NFKBIZ: variants seen among roughly 807,000 people sequenced by gnomAD.
NFKBIZ encodes the protein NFKB inhibitor zeta, also known as NF-kappa-B inhibitor zeta.
NFKBIZ carries 19 observed loss-of-function variants against 76.8 expected under a neutral mutation model. The observed-to-expected ratio is 0.25, with a 90% confidence interval of 0.17 to 0.36. The LOEUF (loss-of-function observed/expected upper bound fraction) is 0.36, where lower values mean the gene tolerates loss of function less well. NFKBIZ is among the 10% of genes least tolerant of loss of function. NFKBIZ has a pLI of 1.00. For missense variants in NFKBIZ, 829 were observed against 910.9 expected (o/e 0.91, Z 1.16); for synonymous variants, 368 against 354.8 (o/e 1.04, Z -0.42).
At chr3:101,835,612 A>G (rs1484109456) in intron 2 of NFKBIZ, among the ~76,000 whole-genome samples, 1 of 152,184 alleles carries the variant, frequency 6.6e-6, no homozygotes, top group Non-Finnish European at 1.5e-5. Flanking sequence ...GTGCATGGGC[A>G]TCCCTGGTGT....
At position 101,852,168 on chromosome 3, in the gene NFKBIZ, T is replaced by C; in HGVS notation, c.373T>C (p.Leu125=). 1 of 1,614,222 alleles carries C rather than the reference T, an allele frequency of 6.2e-7. No individual in the cohort carries two copies. The highest frequency in any genetic ancestry group is 8.5e-7 in the Non-Finnish European group (1 of 1,180,040). The change falls in exon 2 of 12, where the codon TTG becomes CTG. Residue 125 remains leucine (L), a synonymous_variant. Transcript: ENST00000326172. ...AAAGAACTCAGTGAAGGAACTCCTGTTGCACATCCGAAGTCATAAACAGAA... is the reference window on the plus strand; with the variant it reads ...AAAGAACTCAGTGAAGGAACTCCTGCTGCACATCCGAAGTCATAAACAGAA... ...RVKNSVKELL[L]HIRSHKQKAS... is the part of the protein sequence containing the mutation.
At chr3:101,833,858 A>C (rs1162380358) in intron 2 of NFKBIZ, among the ~76,000 whole-genome samples, 1 of 152,194 alleles carries the variant, frequency 6.6e-6, no homozygotes, top group African/African-American at 2.4e-5. Context: ...ATTGCAGCCA[A>C]ATTGAAGCAG....
intron 8 of NFKBIZ, 39 bp downstream of exon 8, chr3:101,855,497 G>C (rs1178364533): frequency 1.9e-6 from 3 of 1,569,956 alleles, no homozygotes; most frequent in African/African-American, 1.4e-5. Flanking sequence ...GAGCCACTTA[G>C]GGGGAACCAT....
intron 1 of NFKBIZ, among the ~76,000 whole-genome samples, chr3:101,829,159 C>T (rs757615460): frequency 6.6e-6 from 1 of 152,206 alleles, no homozygotes; most frequent in Non-Finnish European, 1.5e-5. Context: ...TCCACCACCC[C>T]TCTCCACCGT....
chr3:101,855,798 C>G lies in NFKBIZ; in HGVS notation c.1720C>G (p.Gln574Glu). The G allele has an allele frequency of 6.2e-7, 1 of 1,614,090 alleles. No homozygotes were observed. The highest frequency in any genetic ancestry group is 8.5e-7 in the Non-Finnish European group (1 of 1,179,980). Residue 574 changes from glutamine (Q) to glutamate (E), a missense_variant, in exon 9 of 12, where the codon CAA (glutamine) becomes GAA (glutamate). Gln to Glu is a conservative substitution (Grantham distance 29). Coordinates refer to ENST00000326172, the MANE Select transcript of NFKBIZ (RefSeq NM_031419.4). ...TGTGGTCCATGAACTCCAGAGAAAT[C>G]AACAGCCTCATTCACCTGAAGTTCA... is the stretch of plus-strand genomic sequence containing the variant. The part of the protein sequence containing the change: ...NAVVHELQRN[Q>E]QPHSPEVQEL...
rs773434450 is a variant in NFKBIZ, at chr3:101,853,485, C to T, written c.959C>T (p.Pro320Leu). Reference sequence around the variant, plus strand: ...CCTTTTCCCATACCTCCCCAGTCCCCCGCTTATGAACCAAACCTCTTTGAT... The same window carrying T: ...CCTTTTCCCATACCTCCCCAGTCCCTCGCTTATGAACCAAACCTCTTTGAT... ...YSPFPIPPQSPAYEPNLFDGP... is the reference protein window; with the variant it reads ...YSPFPIPPQSLAYEPNLFDGP... Residue 320 changes from proline (P) to leucine (L), a missense_variant, in exon 5 of 12, where the codon CCC becomes CTC. Transcript: ENST00000326172. 1 of 1,614,134 alleles carries T rather than the reference C, an allele frequency of 6.2e-7. No individual in the cohort carries two copies. The highest frequency in any genetic ancestry group is 1.3e-5 in the African/African-American group (1 of 74,946).
chr3:101,837,126 G>A (rs1942730288), intron 2 of NFKBIZ, among the ~76,000 whole-genome samples: 1 of 152,126 alleles, frequency 6.6e-6, no homozygotes, highest in South Asian at 2.1e-4. Context: ...TTATGGGATG[G>A]TGTGATGAAG....
rs373241026 is a variant in NFKBIZ at position 101,857,167 on chromosome 3, C to G, written c.1919C>G (p.Ser640Cys). 48 of 414,920 alleles carry G rather than the reference C, an allele frequency of 1.2e-4. No homozygotes were observed. The highest frequency in any genetic ancestry group is 1.4e-4 in the Non-Finnish European group (41 of 284,830). The allele number at this position is 414,920 out of a possible 1,614,324, so 25.7% of individuals were successfully genotyped here. A position where few individuals can be genotyped will look rare whatever the true frequency, so the allele number is the denominator to read the frequency against. The change falls in exon 10 of 12, where the codon TCT (serine) becomes TGT (cysteine). Residue 640 changes from serine (S) to cysteine (C), a missense_variant. Ser to Cys is a moderately radical substitution (Grantham distance 112). This residue lies in a region of NFKBIZ where 272 missense variants were observed against 384.2 expected (regional missense o/e 0.71). Transcript: ENST00000326172. ...RLFLELPSCL[S>C]FVNAKAYNGN... ...TTTTTGGAGCTGCCCAGTTGCCTGT[C>G]TTTTGTGAATGCAAAGGTACACCAG...
intron 1 of NFKBIZ, among the ~76,000 whole-genome samples, chr3:101,851,769 C>G (rs1454610324): frequency 6.6e-6 from 1 of 152,182 alleles, no homozygotes; most frequent in Non-Finnish European, 1.5e-5. Context: ...GTGATCCACT[C>G]TCATGGGTGG....
intron 2 of NFKBIZ, among the ~76,000 whole-genome samples, chr3:101,836,736 T>C (rs562891530): frequency 2.6e-5 from 4 of 152,230 alleles, no homozygotes; most frequent in Admixed American, 6.5e-5. Flanking sequence ...CAGACACATA[T>C]GTTTGAGAAT....
At chr3:101,830,770 A>G (rs1376214107) in intron 2 of NFKBIZ, among the ~76,000 whole-genome samples, 1 of 152,172 alleles carries the variant, frequency 6.6e-6, no homozygotes, top group Non-Finnish European at 1.5e-5. Flanking sequence ...ATTGTAAGTA[A>G]GTGCTGCAGT....
chr3:101,859,374 C>T lies in NFKBIZ; in HGVS notation c.*3C>T. On this transcript the variant is annotated 3_prime_UTR_variant, in exon 12 of 12. Transcript: ENST00000326172. Reference sequence around the variant, plus strand: ...AGCAGAGAGCTCCACCGTATTAGCTCCATTAGCTTGGAGCCTGGCTAGCAA... The same window carrying T: ...AGCAGAGAGCTCCACCGTATTAGCTTCATTAGCTTGGAGCCTGGCTAGCAA... The T allele has an allele frequency of 1.9e-6, 3 of 1,613,278 alleles. No individual in the cohort carries two copies. The highest frequency in any genetic ancestry group is 2.5e-6 in the Non-Finnish European group (3 of 1,179,302).
chr3:101,830,863 A>G (rs1942638240), intron 2 of NFKBIZ, among the ~76,000 whole-genome samples: 1 of 152,238 alleles, frequency 6.6e-6, no homozygotes, highest in Admixed American at 6.5e-5. Context: ...GTTATATTAA[A>G]CAATAATCAC....
rs1222871097 is a variant in NFKBIZ at position 101,849,890 on chromosome 3, G to A, written c.262G>A (p.Gly88Ser). The A allele has an allele frequency of 7.0e-7, 1 of 1,437,852 alleles. No homozygotes were observed. Among genetic ancestry groups the A allele is most frequent in the Non-Finnish European group, 9.1e-7 (1 of 1,102,960 alleles). 89.1% of individuals were successfully genotyped at this position (1,437,852 alleles called of 1,614,324 possible). A position where few individuals can be genotyped will look rare whatever the true frequency, so the allele number is the denominator to read the frequency against. Residue 88 changes from glycine to serine, a missense_variant, in exon 1 of 12, where the codon GGC becomes AGC. By Grantham distance (56) the Gly-to-Ser change is moderately conservative. Transcript: ENST00000326172. ...CGGCGCCGTGGAGTCCCGGTCGAGA[G>A]GCGGCGCCCGCGCCGAGCGCCAGCC... ...SCGAVESRSRGGARAERQPVE... is the reference protein window; with the variant it reads ...SCGAVESRSRSGARAERQPVE...
intron 2 of NFKBIZ, among the ~76,000 whole-genome samples, chr3:101,836,569 G>A (rs190278257): frequency 2.0e-5 from 3 of 152,240 alleles, no homozygotes; most frequent in Admixed American, 2.0e-4. Flanking sequence ...AACATTGTAG[G>A]TGGTCAATAA....
Position 101,853,346 on chromosome 3 carries a change from G to C in NFKBIZ, c.820G>C (p.Val274Leu), listed in dbSNP as rs1942999275. ...SPPQKCQPFQ[V>L]RGSQQMIDQA... ...ACCTCAGAAATGCCAACCATTCCAA[G>C]TCAGGGGCTCCCAACAAATGATAGA... Residue 274 changes from valine (V) to leucine (L), a missense_variant, in exon 5 of 12, where the codon GTC (valine) becomes CTC (leucine). Coordinates refer to ENST00000326172, the MANE Select transcript of NFKBIZ (RefSeq NM_031419.4). The C allele has an allele frequency of 6.2e-7, 1 of 1,614,120 alleles. No individual in the cohort carries two copies. Among genetic ancestry groups the C allele is most frequent in the African/African-American group, 1.3e-5 (1 of 75,030 alleles).
At chr3:101,846,963 A>G (rs1942860553), upstream of NFKBIZ, among the ~76,000 whole-genome samples, 1 of 152,204 alleles carries the variant, frequency 6.6e-6, no homozygotes, top group Non-Finnish European at 1.5e-5. Context: ...AGTCCTAGTC[A>G]GAGTCTGAAG....
intron 2 of NFKBIZ, among the ~76,000 whole-genome samples, chr3:101,841,710 AGAT>A (rs1380922433): frequency 2.6e-5 from 4 of 152,354 alleles, no homozygotes; most frequent in African/African-American, 9.6e-5. Flanking sequence ...TCAACATATA[AGAT>A]GATATCTGTT....
In NFKBIZ at chr3:101,857,106, G is replaced by T; in HGVS notation, c.1858G>T (p.Ala620Ser). The change falls in exon 10 of 12, where the codon GCA (alanine) becomes TCA (serine). Residue 620 changes from alanine (A) to serine (S), a missense_variant. Transcript: ENST00000326172. ...RKSGRTALHLAAEEANLELIR... is the reference protein window; with the variant it reads ...RKSGRTALHLSAEEANLELIR... ...AAGTGGCCGCACAGCCCTGCATTTG[G>T]CAGCTGAAGAAGCAAATCTGGAACT... The T allele has an allele frequency of 6.2e-7, 1 of 1,613,830 alleles. No individual in the cohort carries two copies.
Sources: gnomAD v4.1 joint callset for allele counts (sites outside exome capture counted in the v4.1 genomes callset) on GRCh38, gnomAD v4.1.1 for gene constraint, gnomAD v4.1.1 regional missense constraint, MANE v1.5 for transcripts, NCBI Gene and HGNC (gene_info 2026-07-23, HGNC 2026-07-21) for gene names.